Variants in FHIP2B observed in about 807,000 individuals in gnomAD.
FHIP2B encodes the protein FHF complex subunit HOOK interacting protein 2B, also known as FHF complex subunit HOOK-interacting protein 2B.
Under a neutral mutation model 84.0 loss-of-function variants are expected in FHIP2B, and 72 were observed. The ratio of observed to expected loss-of-function variants is 0.86; its 90% confidence interval spans 0.71 to 1.04. FHIP2B has a LOEUF of 1.04. FHIP2B is among the 50% of genes least tolerant of loss of function. The probability of loss-of-function intolerance (pLI) is 0.00; values close to 1 mark genes in which losing one functional copy is unlikely to be tolerated. For missense variants in FHIP2B, 972 were observed against 968.9 expected, an observed-to-expected ratio of 1.00 and a Z score of -0.04; for synonymous variants, 497 against 418.7, an observed-to-expected ratio of 1.19 and a Z score of -2.28.
rs563696065 is a variant in FHIP2B, at chr8:22,102,529, T to C, written c.1994T>C (p.Val665Ala). 2.6e-6 allele frequency: 4 copies of C among 1,556,298 alleles called. No homozygotes were observed. The highest frequency in any genetic ancestry group is 3.9e-5 in the Admixed American group (2 of 51,432). ...AGTCCCCTGTGATTCCCGCTGTAGG[T>C]GATCGGGGACTTGATGCAGAGAATC... is the stretch of plus-strand genomic sequence containing the variant. ...CRSLFSVLVR[V>A]IGDLMQRIQR... Residue 665 changes from valine (V) to alanine (A), a missense_variant and splice_region_variant, in exon 16 of 17, where the codon GTG (valine) becomes GCG (alanine). By Grantham distance (64) the Val-to-Ala change is moderately conservative (BLOSUM62 0). Coordinates refer to ENST00000289921, the MANE Select transcript of FHIP2B (RefSeq NM_022749.7).
In FHIP2B at chr8:22,097,720, C is replaced by T; in HGVS notation, c.406C>T (p.Leu136Phe). 1 of 1,612,984 alleles carries T rather than the reference C, an allele frequency of 6.2e-7. No individual in the cohort carries two copies. Among genetic ancestry groups the T allele is most frequent in the Admixed American group, 1.7e-5 (1 of 59,948 alleles). Residue 136 changes from leucine (L) to phenylalanine (F), a missense_variant, in exon 5 of 17, where the codon CTC (leucine) becomes TTC (phenylalanine). Transcript: ENST00000289921. Reference protein sequence around the residue: ...YLSVHRPVQKLLRLGGTASGS... With the variant: ...YLSVHRPVQKFLRLGGTASGS... Reference sequence around the variant, plus strand: ...TTCTGTCCTGGTGCTCTTCCAGAAACTCCTCCGACTTGGTGGGACTGCTTC... The same window carrying T: ...TTCTGTCCTGGTGCTCTTCCAGAAATTCCTCCGACTTGGTGGGACTGCTTC...
chr8:22,099,698 C>G lies in FHIP2B; in HGVS notation c.1152-6C>G. ...CGGGCCTGGCTAAGGTGCCCTCTTCCCGTAGGTCCGAGCAGAGCATCTTGA... is the reference window on the plus strand; with the variant it reads ...CGGGCCTGGCTAAGGTGCCCTCTTCGCGTAGGTCCGAGCAGAGCATCTTGA... On this transcript the variant is annotated splice_region_variant and splice_polypyrimidine_tract_variant and intron_variant, in intron 9 of 16. Transcript: ENST00000289921. 1 of 1,565,978 alleles carries G rather than the reference C, an allele frequency of 6.4e-7. No individual in the cohort carries two copies. Among genetic ancestry groups the G allele is most frequent in the Non-Finnish European group, 8.6e-7 (1 of 1,161,362 alleles).
Position 22,099,885 on chromosome 8 carries a change from T to G in FHIP2B, c.1333T>G (p.Ser445Ala). 1 of 1,609,202 alleles carries G rather than the reference T, an allele frequency of 6.2e-7. No homozygotes were observed. Among genetic ancestry groups the G allele is most frequent in the Non-Finnish European group, 8.5e-7 (1 of 1,178,154 alleles). The change falls in exon 10 of 17, where the codon TCT becomes GCT. Residue 445 changes from serine (S) to alanine (A), a missense_variant. Ser to Ala is a moderately conservative substitution (Grantham distance 99). Coordinates refer to ENST00000289921, the MANE Select transcript of FHIP2B (RefSeq NM_022749.7). ...TCTCATCGGGCATTGTGACCACCTC[T>G]CTGATGAGGTACAGTGGGGGACCTC... ...AHLIGHCDHL[S>A]DEISITTLRL...
chr8:22,096,831 T>C (rs1422367524), intron 3 of FHIP2B: 7 of 233,508 alleles, frequency 3.0e-5, no homozygotes. Flanking sequence ...TCCACAAAGA[T>C]GGGCCTGCCA....
At chr8:22,092,233 T>A (rs1399223266) in intron 1 of FHIP2B, among the ~76,000 whole-genome samples, 1 of 152,208 alleles carries the variant, frequency 6.6e-6, no homozygotes, top group African/African-American at 2.4e-5. Context: ...TTCCTGCCTT[T>A]ACCTCCTCTC....
At chr8:22,101,109 G>A (rs1441749909) in intron 12 of FHIP2B, 137 bp downstream of exon 12, 10 of 1,197,642 alleles carry the variant, frequency 8.3e-6, no homozygotes, top group East Asian at 2.6e-5. Context: ...TCCACCTCCC[G>A]GGTTCCGGAT....
At chr8:22,096,289 G>A (rs962439971) in intron 2 of FHIP2B, 48 bp from the exon 3 acceptor site, 2 of 1,459,430 alleles carry the variant, frequency 1.4e-6, no homozygotes, top group African/African-American at 1.4e-5. Flanking sequence ...TTTCAAGCCG[G>A]GGTGCCCCTC....
intron 2 of FHIP2B, chr8:22,096,001 A>G (rs1242099715): frequency 1.0e-5 from 2 of 193,478 alleles, no homozygotes; most frequent in Non-Finnish European, 2.1e-5. Context: ...ACTCAGGCCC[A>G]GAGCTGACAG....
rs760542223 is a variant in FHIP2B at position 22,099,772 on chromosome 8, C to T, written c.1220C>T (p.Ala407Val). The change falls in exon 10 of 17, where the codon GCG becomes GTG. Residue 407 changes from alanine to valine, a missense_variant. Physicochemically the swap from Ala to Val is moderately conservative, Grantham distance 64. Transcript: ENST00000289921. ...TAMLRQLRSP[A>V]LLREAVAFLL... Reference sequence around the variant, plus strand: ...ATGCTGCGCCAGCTTCGCTCCCCTGCGCTGCTGCGGGAGGCCGTGGCTTTC... The same window carrying T: ...ATGCTGCGCCAGCTTCGCTCCCCTGTGCTGCTGCGGGAGGCCGTGGCTTTC... The T allele has an allele frequency of 5.0e-6, 8 of 1,611,782 alleles. No individual in the cohort carries two copies. Among genetic ancestry groups the T allele is most frequent in the South Asian group, 1.1e-5 (1 of 90,972 alleles).
In FHIP2B at chr8:22,101,458, C is replaced by T. The variant is rs752701549; in HGVS notation, c.1635C>T (p.Pro545=). The change falls in exon 13 of 17, where the codon CCC becomes CCT. Residue 545 remains proline, a synonymous_variant. Transcript: ENST00000289921. ...CTCTCAGTTTCCTGTGCCTGGTCCC[C>T]GAGGAAGCCAAGACCTCTGCCTTCC... ...EIVNSFLCLV[P]EEAKTSAFLE... 4.3e-5 allele frequency: 69 copies of T among 1,610,884 alleles called. No individual in the cohort carries two copies. The highest frequency in any genetic ancestry group is 4.4e-5 in the South Asian group (4 of 90,534).
chr8:22,090,033 C>T (rs1825391587), intron 1 of FHIP2B, among the ~76,000 whole-genome samples: 1 of 151,382 alleles, frequency 6.6e-6, no homozygotes, highest in South Asian at 2.1e-4. Context: ...TTTCACGTGC[C>T]GTCAGTTTGT....
At chr8:22,090,916 C>T (rs1195117378) in intron 1 of FHIP2B, among the ~76,000 whole-genome samples, 2 of 152,160 alleles carry the variant, frequency 1.3e-5, no homozygotes, top group Non-Finnish European at 2.9e-5. Context: ...CCGCACCCGG[C>T]TAGGAGTCAA....
chr8:22,098,509 G>T lies in FHIP2B; in HGVS notation c.855G>T (p.Gln285His), dbSNP rs1458447146. The T allele has an allele frequency of 6.2e-7, 1 of 1,613,386 alleles. No homozygotes were observed. Among genetic ancestry groups the T allele is most frequent in the Admixed American group, 1.7e-5 (1 of 59,992 alleles). The change falls in exon 7 of 17, where the codon CAG becomes CAT. Residue 285 changes from glutamine (Q) to histidine (H), a missense_variant. Transcript: ENST00000289921. The stretch of plus-strand genomic sequence containing the variant: ...CAGCAGCTGCCACCTACCTGGTACA[G>T]AGCAGCGCCTGCTGCCCTGCGATCG... ...ASPAAATYLV[Q>H]SSACCPAIVR...
rs1323646696 is a variant in FHIP2B at position 22,104,773 on chromosome 8, T to G, written c.*1842T>G. Reference sequence around the variant, plus strand: ...AAAACCTTGTCTTTAAGTTCAAGGCTGCAGTGAGCCGATTGCACCACTGCA... The same window carrying G: ...AAAACCTTGTCTTTAAGTTCAAGGCGGCAGTGAGCCGATTGCACCACTGCA... On this transcript the variant is annotated 3_prime_UTR_variant, in exon 17 of 17. Coordinates refer to ENST00000289921, the MANE Select transcript of FHIP2B (RefSeq NM_022749.7). 1 of 149,558 alleles carries G rather than the reference T, an allele frequency of 6.7e-6. No homozygotes were observed. Among genetic ancestry groups the G allele is most frequent in the East Asian group, 2.0e-4 (1 of 5,082 alleles). The allele number at this position is 149,558 out of a possible 1,614,324, so 9.3% of individuals were successfully genotyped here.
chr8:22,094,071 C>G (rs1198403240), intron 1 of FHIP2B, among the ~76,000 whole-genome samples: 1 of 152,096 alleles, frequency 6.6e-6, no homozygotes, highest in African/African-American at 2.4e-5. Context: ...ACTGCGCTCC[C>G]GTGTTCCTCT....
At chr8:22,089,523 C>G (rs1311470523) in intron 1 of FHIP2B, among the ~76,000 whole-genome samples, 1 of 150,634 alleles carries the variant, frequency 6.6e-6, no homozygotes, top group Non-Finnish European at 1.5e-5. Context: ...CCCCACCTCC[C>G]CGGCCTGCTC....
Position 22,101,825 on chromosome 8 carries a change from G to GACC in FHIP2B, c.1826_1828dup (p.Asp609_Arg610insHis), listed in dbSNP as rs1186385966. The GACC allele has an allele frequency of 1.2e-6, 2 of 1,613,608 alleles. No homozygotes were observed. The highest frequency in any genetic ancestry group is 1.7e-6 in the Non-Finnish European group (2 of 1,179,822). On this transcript the variant is annotated inframe_insertion, in exon 14 of 17. Coordinates refer to ENST00000289921, the MANE Select transcript of FHIP2B (RefSeq NM_022749.7). ...GGGCCACTTCCTCCGAGTGCTGTTT[G>GACC]ACCGCATGTCCCGGATTCTGGATCA... is the stretch of plus-strand genomic sequence containing the variant.
chr8:22,103,298 G>GAGCT lies in FHIP2B; in HGVS notation c.*368_*371dup, dbSNP rs553074077. 6.9e-4 allele frequency: 157 copies of GAGCT among 226,242 alleles called. No individual in the cohort carries two copies. Among genetic ancestry groups the GAGCT allele is most frequent in the Middle Eastern group, 4.4e-3 (3 of 676 alleles). 14.0% of individuals were successfully genotyped at this position (226,242 alleles called of 1,614,324 possible). ...CAACTCCAGGGGCAAGATGGGGAGT[G>GAGCT]AGCTGATGGCTCCGAGACTGGTCAG... On this transcript the variant is annotated 3_prime_UTR_variant, in exon 17 of 17. Coordinates refer to ENST00000289921, the MANE Select transcript of FHIP2B (RefSeq NM_022749.7).
chr8:22,099,443 A>G, intron 9 of FHIP2B, 83 bp downstream of exon 9: 1 of 1,416,766 alleles, frequency 7.1e-7, no homozygotes, highest in Non-Finnish European at 9.7e-7. Context: ...CCCTAAGGCC[A>G]GACACCTTCT....
Sources: allele counts gnomAD v4.1 joint callset (sites outside exome capture counted in the v4.1 genomes callset), GRCh38; gene constraint gnomAD v4.1.1; transcripts MANE v1.5; gene names NCBI Gene and HGNC (gene_info 2026-07-23, HGNC 2026-07-21).